PYGB: variants seen among roughly 807,000 people sequenced by gnomAD.
The protein encoded by PYGB is glycogen phosphorylase, brain form.
In PYGB, 82 loss-of-function variants were observed where a neutral mutation model predicts 94.3. The ratio of observed to expected loss-of-function variants is 0.87; its 90% confidence interval spans 0.73 to 1.04. The LOEUF is 1.04. Ranked by LOEUF, PYGB falls within the 50% of genes least tolerant of loss-of-function variation. The pLI, the probability that PYGB is intolerant of heterozygous loss-of-function variation, is 0.00. For synonymous variants in PYGB, 488 were observed against 479.1 expected, an observed-to-expected ratio of 1.02 and a Z score of -0.24; for missense variants, 1,132 against 1,158.2, an observed-to-expected ratio of 0.98 and a Z score of 0.33.
chr20:25,273,856 A>G (rs1324610552), intron 4 of PYGB, among the ~76,000 whole-genome samples: 2 of 151,458 alleles, frequency 1.3e-5, no homozygotes, highest in Non-Finnish European at 2.9e-5. Context: ...TAATTTAATA[A>G]TTTTTTTTTA....
chr20:25,253,028 C>G (rs1459829473), intron 1 of PYGB, among the ~76,000 whole-genome samples: 1 of 152,248 alleles, frequency 6.6e-6, no homozygotes, highest in African/African-American at 2.4e-5. Flanking sequence ...AAAGACACTT[C>G]TTTCATTTTT....
intron 2 of PYGB, among the ~76,000 whole-genome samples, chr20:25,266,885 GTGTGAC>G (rs1383102465): frequency 6.6e-6 from 1 of 152,230 alleles, no homozygotes; most frequent in Non-Finnish European, 1.5e-5. Context: ...AGAGCAGTTG[GTGTGAC>G]TGTCAAATCT....
At chr20:25,254,798 CTT>C (rs1321032009) in intron 1 of PYGB, among the ~76,000 whole-genome samples, 6 of 152,168 alleles carry the variant, frequency 3.9e-5, no homozygotes, top group Non-Finnish European at 7.4e-5. Flanking sequence ...ACTGAATAGA[CTT>C]TTTGTGGAGC....
intron 14 of PYGB, 86 bp from the exon 15 acceptor site, chr20:25,288,339 G>C: frequency 6.9e-7 from 1 of 1,451,800 alleles, no homozygotes; most frequent in Non-Finnish European, 9.7e-7. Context: ...TCCTGCCTCA[G>C]GGTCGGCCTC....
chr20:25,276,907 G>C lies in PYGB; in HGVS notation c.772+150G>C, dbSNP rs572033244. 4 of 742,914 alleles carry C rather than the reference G, an allele frequency of 5.4e-6. No individual in the cohort carries two copies. The African/African-American group carries it at 7.0e-5, about 13-fold the overall frequency. 46.0% of individuals were successfully genotyped at this position (742,914 alleles called of 1,614,324 possible). A position where few individuals can be genotyped will look rare whatever the true frequency, so the allele number is the denominator to read the frequency against. ...GTGTCCCTGCGTCCCAGTGAAGAGC[G>C]AGGCTGGTGCAGCTTACCTGTGTGT... On this transcript the variant is annotated intron_variant, in intron 6 of 19. Transcript: ENST00000216962.
chr20:25,277,406 C>G, intron 7 of PYGB, 80 bp downstream of exon 7: 1 of 1,364,034 alleles, frequency 7.3e-7, no homozygotes, highest in Non-Finnish European at 1.0e-6. Flanking sequence ...GCCGGGCTCC[C>G]CAGTGGGGCC....
At position 25,297,581 on chromosome 20, in the gene PYGB, A is replaced by G. The variant is rs201817562; in HGVS notation, c.*1059A>G. 1 of 152,296 alleles carries G rather than the reference A, an allele frequency of 6.6e-6. No individual in the cohort carries two copies. The highest frequency in any genetic ancestry group is 1.5e-5 in the Non-Finnish European group (1 of 68,106). 9.4% of individuals were successfully genotyped at this position (152,296 alleles called of 1,614,324 possible). On this transcript the variant is annotated 3_prime_UTR_variant, in exon 20 of 20. Transcript: ENST00000216962. The stretch of plus-strand genomic sequence containing the variant: ...GCTCTGCTTGGACAGCAGGCCTGGC[A>G]CTGGGAGGTGGGGGTGAGCCCCTCA...
chr20:25,249,997 C>G (rs2092883051), intron 1 of PYGB, among the ~76,000 whole-genome samples: 2 of 152,172 alleles, frequency 1.3e-5, no homozygotes, highest in South Asian at 4.1e-4. Flanking sequence ...TTACAGGCGC[C>G]TACCACCACG....
At chr20:25,286,227 G>A (rs1259483016) in intron 14 of PYGB, among the ~76,000 whole-genome samples, 1 of 152,246 alleles carries the variant, frequency 6.6e-6, no homozygotes. Flanking sequence ...GTTTGGTTCT[G>A]TTTGGTTTTC....
Position 25,278,423 on chromosome 20 carries a change from G to A in PYGB, c.960G>A (p.Arg320=). The A allele has an allele frequency of 1.9e-6, 3 of 1,614,096 alleles. No homozygotes were observed. In the East Asian group the frequency reaches 6.7e-5, roughly 36 times the overall value. Residue 320 remains arginine (R), a synonymous_variant, in exon 8 of 20, where the codon CGG becomes CGA. Transcript: ENST00000216962. The part of the protein sequence containing the change: ...RRFKSSKFGC[R]DPVRTCFETF... The stretch of plus-strand genomic sequence containing the variant: ...TCAAGTCGTCCAAGTTCGGCTGCCG[G>A]GACCCTGTGAGAACCTGTTTCGAGA...
chr20:25,296,740 T>G lies in PYGB; in HGVS notation c.*218T>G, dbSNP rs1260400836. ...AGTTTCTTGTAAAGGAAGCCAGAGTTGACAGTACAAAGGGTCGTGGCCAGC... is the reference window on the plus strand; with the variant it reads ...AGTTTCTTGTAAAGGAAGCCAGAGTGGACAGTACAAAGGGTCGTGGCCAGC... On this transcript the variant is annotated 3_prime_UTR_variant, in exon 20 of 20. Coordinates refer to ENST00000216962, the MANE Select transcript of PYGB (RefSeq NM_002862.4). 3 of 640,274 alleles carry G rather than the reference T, an allele frequency of 4.7e-6. No homozygotes were observed. 39.7% of individuals were successfully genotyped at this position (640,274 alleles called of 1,614,324 possible).
At chr20:25,258,633 C>T (rs73904038) in intron 1 of PYGB, among the ~76,000 whole-genome samples, 3,673 of 152,340 alleles carry the variant, frequency 0.024, 138 homozygotes, top group African/African-American at 0.081. Flanking sequence ...GGTGGCCGTC[C>T]TTGATACAGC....
chr20:25,279,273 C>T (rs1296155046), intron 9 of PYGB, 124 bp downstream of exon 9: 8 of 1,082,466 alleles, frequency 7.4e-6, no homozygotes, highest in African/African-American at 1.6e-5. Flanking sequence ...TCATCATGCC[C>T]AGGAGAGACG....
intron 2 of PYGB, among the ~76,000 whole-genome samples, chr20:25,264,570 A>T (rs1459182297): frequency 6.6e-6 from 1 of 152,220 alleles, no homozygotes; most frequent in East Asian, 1.9e-4. Context: ...AAGCAACTTC[A>T]GCAAAGTCTC....
At chr20:25,293,078 T>C (rs1434758418) in intron 17 of PYGB, among the ~76,000 whole-genome samples, 1 of 149,420 alleles carries the variant, frequency 6.7e-6, no homozygotes, top group African/African-American at 2.5e-5. Context: ...ACTGTTAAAA[T>C]TGTTTAAAAA....
chr20:25,283,884 C>T (rs929764091), intron 13 of PYGB, among the ~76,000 whole-genome samples: 8 of 152,134 alleles, frequency 5.3e-5, no homozygotes, highest in Non-Finnish European at 1.2e-4. Flanking sequence ...CGGCTCCTCA[C>T]TTATCCCCTA....
rs1016325964 is a variant in PYGB at position 25,282,102 on chromosome 20, G to A, written c.1473G>A (p.Arg491=). 2.5e-6 allele frequency: 4 copies of A among 1,613,818 alleles called. No individual in the cohort carries two copies. The African/African-American group carries it at 5.3e-5, about 22-fold the overall frequency. The change falls in exon 12 of 20, where the codon CGG becomes CGA. Residue 491 remains arginine (R), a synonymous_variant. Transcript: ENST00000216962. ...AGACCAATGGCATCACCCCCCGCCG[G>A]TGGCTGCTGCTGTGCAACCCGGGGC... ...QNKTNGITPR[R]WLLLCNPGLA... is the part of the protein sequence containing the mutation.
rs200398540 is a variant in PYGB, at chr20:25,254,347, TTTA to T, written c.244-4874_244-4872del. On this transcript the variant is annotated intron_variant, in intron 1 of 19. Transcript: ENST00000216962. ...TTAGAAGTCTTTTCAGATTATATCTTTTATTATTATTATTATTAAACGGATCAA... is the reference window on the plus strand; with the variant it reads ...TTAGAAGTCTTTTCAGATTATATCTTTTATTATTATTATTAAACGGATCAA... Among the ~76,000 whole-genome samples the T allele has an allele frequency of 1.4e-3, 213 of 152,166 alleles. 1 individual carries two copies. The highest frequency in any genetic ancestry group is 4.7e-3 in the African/African-American group (196 of 41,524).
At chr20:25,274,815 G>GT in intron 5 of PYGB, 92 bp downstream of exon 5, 1 of 1,512,660 alleles carries the variant, frequency 6.6e-7, no homozygotes, top group Non-Finnish European at 8.8e-7. Flanking sequence ...CTTTTGGCTT[G>GT]GGGGGCTTGC....
Sources: gnomAD v4.1 joint callset for allele counts (sites outside exome capture counted in the v4.1 genomes callset) on GRCh38, gnomAD v4.1.1 for gene constraint, MANE v1.5 for transcripts, NCBI Gene and HGNC (gene_info 2026-07-23, HGNC 2026-07-21) for gene names.